DENND1A: variants seen among roughly 807,000 people sequenced by gnomAD.
DENND1A encodes the protein DENN domain-containing protein 1A.
A neutral mutation model predicts 113.7 loss-of-function variants in DENND1A; 51 were observed. The ratio of observed to expected loss-of-function variants is 0.45; its 90% CI spans 0.36 to 0.57. The LOEUF is 0.57. Among genes scored for constraint, DENND1A ranks in the 20% least tolerant of loss-of-function variants. The pLI, the probability that DENND1A is intolerant of heterozygous loss-of-function variation, is 0.00. For synonymous variants in DENND1A, 565 were observed against 570.8 expected (o/e 0.99, Z 0.14); for missense variants, 1,258 against 1,395.9 (o/e 0.90, Z 1.57).
chr9:123,878,975 G>A lies in DENND1A; in HGVS notation c.64C>T (p.Pro22Ser). Residue 22 changes from proline to serine, a missense_variant, in exon 2 of 24, where the codon CCC becomes TCC. By Grantham distance (74) the Pro-to-Ser change is moderately conservative. Around this residue, in one of 2 missense-constraint regions of DENND1A, gnomAD observed 99 missense variants for 164.2 expected, o/e 0.60. Transcript: ENST00000394215. ...TFEVYVEVAY[P>S]RTGGTLSDPE... ...CCTGAAAGAGTGCCACCTGTCCTGG[G>A]ATAGGCCACTTCAACATATACTTCA... 6.2e-7 allele frequency: 1 copy of A among 1,613,926 alleles called. No homozygotes were observed. The highest frequency in any genetic ancestry group is 1.3e-5 in the African/African-American group (1 of 75,006).
chr9:123,748,026 C>G (rs1478164629), intron 5 of DENND1A, among the ~76,000 whole-genome samples: 1 of 152,064 alleles, frequency 6.6e-6, no homozygotes, highest in East Asian at 1.9e-4. Flanking sequence ...TGAATGACAA[C>G]ATTATAGCAA....
chr9:123,731,527 CA>C (rs1476006269), intron 5 of DENND1A, among the ~76,000 whole-genome samples: 1 of 152,110 alleles, frequency 6.6e-6, no homozygotes, highest in Non-Finnish European at 1.5e-5. Context: ...AAACAATCTA[CA>C]AAAAAATTCA....
At chr9:123,594,977 A>T (rs2091406024) in intron 11 of DENND1A, among the ~76,000 whole-genome samples, 1 of 152,212 alleles carries the variant, frequency 6.6e-6, no homozygotes, top group Non-Finnish European at 1.5e-5. Context: ...CAAAGAGGGA[A>T]GAGTGACATT....
chr9:123,532,645 G>A (rs185934960), intron 13 of DENND1A, among the ~76,000 whole-genome samples: 116 of 152,270 alleles, frequency 7.6e-4, no homozygotes, highest in African/African-American at 2.5e-3. Context: ...GAAAAATCAA[G>A]TGAAATCTAC....
chr9:123,806,587 A>T (rs933091292), intron 2 of DENND1A, among the ~76,000 whole-genome samples: 5 of 152,318 alleles, frequency 3.3e-5, no homozygotes, highest in Admixed American at 1.3e-4. Context: ...TGAAAAAATA[A>T]CATGTTCAGA....
intron 11 of DENND1A, among the ~76,000 whole-genome samples, chr9:123,607,516 CACACAGAGAGAG>C (rs780975186): frequency 1.6e-4 from 13 of 80,422 alleles, no homozygotes; most frequent in South Asian, 5.0e-4. Flanking sequence ...CACACACACA[CACACAGAGAGAG>C]AGAGAGAGAG....
intron 5 of DENND1A, among the ~76,000 whole-genome samples, chr9:123,690,169 A>T (rs1347874907): frequency 3.4e-5 from 5 of 148,058 alleles, no homozygotes; most frequent in African/African-American, 1.3e-4. Flanking sequence ...AGGAAGGAGG[A>T]GGGAAAACAA....
At chr9:123,678,242 G>A (rs1431124256) in intron 5 of DENND1A, among the ~76,000 whole-genome samples, 1 of 152,148 alleles carries the variant, frequency 6.6e-6, no homozygotes, top group Non-Finnish European at 1.5e-5. Context: ...TGCCAAGAAT[G>A]GCACCTGGCA....
At chr9:123,548,265 T>G (rs923265970) in intron 13 of DENND1A, among the ~76,000 whole-genome samples, 1 of 152,180 alleles carries the variant, frequency 6.6e-6, no homozygotes, top group Non-Finnish European at 1.5e-5. Flanking sequence ...GAAAAAATGT[T>G]AATTAGCAAG....
chr9:123,517,289 C>A (rs1014925268), intron 13 of DENND1A, among the ~76,000 whole-genome samples: 19 of 148,536 alleles, frequency 1.3e-4, no homozygotes, highest in Non-Finnish European at 9.0e-5. Flanking sequence ...AAAACCCCCC[C>A]CAAAAAACCC....
At chr9:123,608,813 T>C (rs1160789014) in intron 11 of DENND1A, among the ~76,000 whole-genome samples, 1 of 152,182 alleles carries the variant, frequency 6.6e-6, no homozygotes, top group Non-Finnish European at 1.5e-5. Context: ...TTGTGGTATA[T>C]CCAAATAGTG....
At chr9:123,474,642 G>C (rs1250116485) in intron 13 of DENND1A, among the ~76,000 whole-genome samples, 1 of 152,140 alleles carries the variant, frequency 6.6e-6, no homozygotes, top group African/African-American at 2.4e-5. Context: ...TTTGAATTCT[G>C]GCTGTTAAGC....
chr9:123,926,674 G>GT (rs61507628), intron 1 of DENND1A, among the ~76,000 whole-genome samples: 27,362 of 147,618 alleles, frequency 0.19, 2,702 homozygotes, highest in African/African-American at 0.25. Context: ...TTCCTCAAGG[G>GT]TTTTTTTTTT....
At chr9:123,383,020 A>G (rs2042362853) in intron 23 of DENND1A, among the ~76,000 whole-genome samples, 1 of 152,172 alleles carries the variant, frequency 6.6e-6, no homozygotes, top group Non-Finnish European at 1.5e-5. Flanking sequence ...AGGAAGGAGG[A>G]GGCCAAGTTG....
rs201626199 is a variant in DENND1A, at chr9:123,792,791, A to G, written c.89-161T>C. Among the ~76,000 whole-genome samples the G allele has an allele frequency of 3.9e-5, 6 of 152,338 alleles. No individual in the cohort carries two copies. The East Asian group carries it at 1.2e-3, about 29-fold the overall frequency. ...GATGAGCACAAGGAAGGACTCGGCAAGGCACTCCCATTACCCTCCTCCAGA... is the reference window on the plus strand; with the variant it reads ...GATGAGCACAAGGAAGGACTCGGCAGGGCACTCCCATTACCCTCCTCCAGA... On this transcript the variant is annotated intron_variant, in intron 2 of 23. Coordinates refer to ENST00000394215, the MANE Select transcript of DENND1A (RefSeq NM_001352964.2).
chr9:123,852,048 G>T (rs576549923), intron 2 of DENND1A, among the ~76,000 whole-genome samples: 1 of 152,292 alleles, frequency 6.6e-6, no homozygotes, highest in East Asian at 1.9e-4. Context: ...TGAGTGCTAT[G>T]TGCTCCAACG....
intron 2 of DENND1A, among the ~76,000 whole-genome samples, chr9:123,814,368 T>C (rs1038711840): frequency 6.6e-6 from 1 of 152,184 alleles, no homozygotes; most frequent in African/African-American, 2.4e-5. Flanking sequence ...TTTAACAGCA[T>C]TTCTTTGCAA....
intron 5 of DENND1A, among the ~76,000 whole-genome samples, chr9:123,688,757 TG>T (rs2064985545): frequency 6.6e-6 from 1 of 152,202 alleles, no homozygotes; most frequent in African/African-American, 2.4e-5. Context: ...AAAATGCCAC[TG>T]GTCACTCTCT....
intron 6 of DENND1A, among the ~76,000 whole-genome samples, chr9:123,673,019 C>G (rs2063840631): frequency 6.6e-6 from 1 of 152,230 alleles, no homozygotes; most frequent in Non-Finnish European, 1.5e-5. Context: ...CAGTCTGGAA[C>G]AGCTCCTCAG....
Sources: allele counts gnomAD v4.1 joint callset (sites outside exome capture counted in the v4.1 genomes callset), GRCh38; gene constraint gnomAD v4.1.1; regional missense constraint gnomAD v4.1.1; transcripts MANE v1.5; gene names NCBI Gene and HGNC (gene_info 2026-07-23, HGNC 2026-07-21).